The following ADAMTS20 variants were observed in gnomAD, a reference collection of about 807,000 sequenced individuals.
The protein encoded by ADAMTS20 is A disintegrin and metalloproteinase with thrombospondin motifs 20.
A neutral mutation model predicts 260.1 loss-of-function variants in ADAMTS20; 225 were observed. That is an observed-to-expected ratio of 0.87 (90% CI 0.78 to 0.97). The LOEUF (loss-of-function observed/expected upper bound fraction) is 0.97, where lower values mean the gene tolerates loss of function less well. ADAMTS20 is among the 50% of genes least tolerant of loss of function. The pLI is 0.00. For missense variants in ADAMTS20, 2,400 were observed against 2,337.7 expected (o/e 1.03, Z -0.55); for synonymous variants, 802 against 769.5 (o/e 1.04, Z -0.70).
At chr12:43,518,695 C>T (rs572126600) in intron 3 of ADAMTS20, among the ~76,000 whole-genome samples, 2 of 151,762 alleles carry the variant, frequency 1.3e-5, no homozygotes, top group Admixed American at 6.6e-5. Context: ...CTTTGGATTT[C>T]TAACAGGCAC....
rs1306751909 is a variant in ADAMTS20 at position 43,376,638 on chromosome 12, C to T, written c.5011G>A (p.Gly1671Arg). ...ACTTGTCTCTTCATTATCCCAATTCCACAAGTCACTGAGCACTGTGAAAAG... is the reference window on the plus strand; with the variant it reads ...ACTTGTCTCTTCATTATCCCAATTCTACAAGTCACTGAGCACTGTGAAAAG... ...GKWSKCSVTC[G>R]IGIMKRQVKC... The change falls in exon 33 of 39, where the codon GGA (glycine) becomes AGA (arginine). Residue 1671 changes from glycine to arginine, a missense_variant. Physicochemically the swap from Gly to Arg is moderately radical, Grantham distance 125. Transcript: ENST00000389420. 1 of 1,612,196 alleles carries T rather than the reference C, an allele frequency of 6.2e-7. No homozygotes were observed. Among genetic ancestry groups the T allele is most frequent in the Admixed American group, 1.7e-5 (1 of 59,658 alleles).
At chr12:43,538,953 C>CTTTTTTTTTT (rs36106874) in intron 2 of ADAMTS20, among the ~76,000 whole-genome samples, 6 of 117,536 alleles carry the variant, frequency 5.1e-5, no homozygotes, top group African/African-American at 9.7e-5. Context: ...TATGAACATT[C>CTTTTTTTTTT]TTTTTTTTTT....
At chr12:43,445,733 T>G (rs1479592945) in intron 15 of ADAMTS20, among the ~76,000 whole-genome samples, 1 of 151,592 alleles carries the variant, frequency 6.6e-6, no homozygotes, top group East Asian at 1.9e-4. Context: ...ACACCTGTAG[T>G]TCTAGGTACT....
chr12:43,455,984 T>A (rs1028299254), intron 11 of ADAMTS20, among the ~76,000 whole-genome samples: 4 of 152,234 alleles, frequency 2.6e-5, no homozygotes, highest in Admixed American at 2.0e-4. Flanking sequence ...AGTATGAGTG[T>A]ACAAATATAT....
At chr12:43,391,763 A>G (rs560107676) in intron 29 of ADAMTS20, among the ~76,000 whole-genome samples, 7 of 152,304 alleles carry the variant, frequency 4.6e-5, no homozygotes, top group South Asian at 2.1e-4. Context: ...CAGTAAATAT[A>G]TATCTGCAAA....
At chr12:43,543,850 C>T (rs979627764) in intron 2 of ADAMTS20, among the ~76,000 whole-genome samples, 7 of 152,050 alleles carry the variant, frequency 4.6e-5, no homozygotes, top group African/African-American at 1.2e-4. Context: ...AATTGGTTTG[C>T]GTCACCTTTG....
At chr12:43,369,908 G>A (rs889422312) in intron 36 of ADAMTS20, among the ~76,000 whole-genome samples, 3 of 151,794 alleles carry the variant, frequency 2.0e-5, no homozygotes, top group Admixed American at 1.3e-4. Context: ...TTTGCTAACA[G>A]TGTTAGCAAA....
chr12:43,465,028 T>C (rs538512530), intron 9 of ADAMTS20, among the ~76,000 whole-genome samples: 1 of 152,274 alleles, frequency 6.6e-6, no homozygotes, highest in South Asian at 2.1e-4. Context: ...AGAACATTAT[T>C]TATGAAACAT....
intron 20 of ADAMTS20, 51 bp downstream of exon 20, chr12:43,432,550 G>A (rs1271951982): frequency 1.9e-5 from 31 of 1,602,896 alleles, no homozygotes; most frequent in Admixed American, 1.0e-4. Context: ...ACATAAATAC[G>A]TAATTAGAAA....
chr12:43,370,027 C>T (rs1425098689), intron 36 of ADAMTS20, among the ~76,000 whole-genome samples: 2 of 152,130 alleles, frequency 1.3e-5, no homozygotes, highest in Non-Finnish European at 2.9e-5. Flanking sequence ...CTTCAATCAC[C>T]TATTCATGTT....
Position 43,399,138 on chromosome 12 carries a change from T to C in ADAMTS20, c.4380A>G (p.Val1460=), listed in dbSNP as rs1263194512. 6.4e-7 allele frequency: 1 copy of C among 1,557,150 alleles called. No homozygotes were observed. Among genetic ancestry groups the C allele is most frequent in the Non-Finnish European group, 8.7e-7 (1 of 1,149,298 alleles). The change falls in exon 29 of 39, where the codon GTA becomes GTG. Residue 1460 remains valine, a synonymous_variant. Coordinates refer to ENST00000389420, the MANE Select transcript of ADAMTS20 (RefSeq NM_025003.5). ...AGGCTTTGTGAGTTGGAGGTTTCTG[T>C]ACTTGACTGCAATTTGTGTCTTCTA... is the stretch of plus-strand genomic sequence containing the variant. ...RKLEDTNCSQ[V]QKPPTHKACR... is the part of the protein sequence containing the mutation.
At chr12:43,399,314 C>T in intron 28 of ADAMTS20, 81 bp from the exon 29 acceptor site, 2 of 1,124,002 alleles carry the variant, frequency 1.8e-6, no homozygotes, top group Non-Finnish European at 2.4e-6. Context: ...CAAAATGTAA[C>T]AATCCACACA....
intron 2 of ADAMTS20, among the ~76,000 whole-genome samples, chr12:43,541,344 A>G (rs1311572853): frequency 6.6e-6 from 1 of 152,208 alleles, no homozygotes. Context: ...TGTCTGTAAA[A>G]CAAAATTGAA....
chr12:43,387,072 G>T (rs1159163294), intron 29 of ADAMTS20, among the ~76,000 whole-genome samples: 1 of 152,098 alleles, frequency 6.6e-6, no homozygotes, highest in African/African-American at 2.4e-5. Flanking sequence ...GAGGCATTCT[G>T]GTTTTTGGAA....
chr12:43,500,046 TGA>T (rs948091938), intron 4 of ADAMTS20, among the ~76,000 whole-genome samples: 4 of 141,400 alleles, frequency 2.8e-5, no homozygotes, highest in Non-Finnish European at 4.6e-5. Context: ...TTTTTTTTTT[TGA>T]GAGAGAGTCT....
chr12:43,475,970 C>A (rs1942346529), intron 7 of ADAMTS20, among the ~76,000 whole-genome samples: 1 of 137,048 alleles, frequency 7.3e-6, no homozygotes, highest in Non-Finnish European at 1.6e-5. Context: ...AAAGCAATGG[C>A]AACAAAAGCC....
chr12:43,428,904 G>A, intron 24 of ADAMTS20, 105 bp from the exon 25 acceptor site: 1 of 1,099,882 alleles, frequency 9.1e-7, no homozygotes, highest in Admixed American at 2.8e-5. Flanking sequence ...AGTTTCTTGA[G>A]AAATTTTAAA....
intron 3 of ADAMTS20, among the ~76,000 whole-genome samples, chr12:43,526,563 T>C (rs1943146560): frequency 6.6e-6 from 1 of 152,114 alleles, no homozygotes. Flanking sequence ...ACATGGAAAT[T>C]AAACAATCTG....
At chr12:43,434,691 G>C (rs546698989) in intron 18 of ADAMTS20, among the ~76,000 whole-genome samples, 1 of 152,272 alleles carries the variant, frequency 6.6e-6, no homozygotes, top group Admixed American at 6.5e-5. Context: ...CAGCACTGTT[G>C]CTATACAGTA....
Sources: allele counts gnomAD v4.1 joint callset (sites outside exome capture counted in the v4.1 genomes callset), GRCh38; gene constraint gnomAD v4.1.1; transcripts MANE v1.5; gene names NCBI Gene and HGNC (gene_info 2026-07-23, HGNC 2026-07-21).